The following ZNF347 variants were observed in gnomAD, a reference collection of about 807,000 sequenced individuals.
The protein encoded by ZNF347 is CTD-2620I22.7.
ZNF347 carries 19 observed loss-of-function variants against 12.9 expected under a neutral mutation model. The ratio of observed to expected loss-of-function variants is 1.47; its 90% CI spans 1.03 to 2.16. The LOEUF (loss-of-function observed/expected upper bound fraction) is 2.16. ZNF347 is among the 30% of genes most tolerant of loss of function. The probability of loss-of-function intolerance (pLI) is 0.00; values close to 1 mark genes in which losing one functional copy is unlikely to be tolerated. For synonymous variants in ZNF347, 328 were observed against 340.6 expected (o/e 0.96, Z 0.41); for missense variants, 1,005 against 990.6 (o/e 1.01, Z -0.19).
rs1250342627 is a variant in ZNF347, at chr19:53,135,447, A to G, written c.*4861T>C. The G allele has an allele frequency of 6.6e-6, 1 of 151,310 alleles. No individual in the cohort carries two copies. Among genetic ancestry groups the G allele is most frequent in the Non-Finnish European group, 1.5e-5 (1 of 67,952 alleles). The allele number at this position is 151,310 out of a possible 1,614,324, so 9.4% of individuals were successfully genotyped here. A position where few individuals can be genotyped will look rare whatever the true frequency, so the allele number is the denominator to read the frequency against. On this transcript the variant is annotated 3_prime_UTR_variant, in exon 5 of 5. Coordinates refer to ENST00000334197, the MANE Select transcript of ZNF347 (RefSeq NM_032584.3). ...GAGTGCAATGGTGGGAACTCGGCTA[A>G]CTGCAACATCCGCCTCCCAGGCTCA...
chr19:53,153,374 C>T (rs898325129), intron 2 of ZNF347, among the ~76,000 whole-genome samples: 11 of 152,214 alleles, frequency 7.2e-5, no homozygotes, highest in Non-Finnish European at 1.3e-4. Flanking sequence ...GTGACTTCCA[C>T]GTGCAGCTGC....
At position 53,139,696 on chromosome 19, in the gene ZNF347, A is replaced by T. The variant is rs529408860; in HGVS notation, c.*612T>A. On this transcript the variant is annotated 3_prime_UTR_variant, in exon 5 of 5. Coordinates refer to ENST00000334197, the MANE Select transcript of ZNF347 (RefSeq NM_032584.3). ...TGTATGAATCCTCACCTACAGTTACAGTCTTAGAGTAAGAGCTTCAGGATG... is the reference window on the plus strand; with the variant it reads ...TGTATGAATCCTCACCTACAGTTACTGTCTTAGAGTAAGAGCTTCAGGATG... 1 of 152,238 alleles carries T rather than the reference A, an allele frequency of 6.6e-6. No individual in the cohort carries two copies. Among genetic ancestry groups the T allele is most frequent in the Admixed American group, 6.5e-5 (1 of 15,284 alleles). 9.4% of individuals were successfully genotyped at this position (152,238 alleles called of 1,614,324 possible). A position where few individuals can be genotyped will look rare whatever the true frequency, so the allele number is the denominator to read the frequency against.
chr19:53,142,117 T>C lies in ZNF347; in HGVS notation c.711A>G (p.Lys237=), dbSNP rs2090432940. ...PYNVKTHISK[K]YLKDFISSLL... is the part of the protein sequence containing the mutation. ...AAGAAGAGATAAAATCTTTGAGATATTTCTTAGAAATGTGGGTTTTGACAT... is the reference window on the plus strand; with the variant it reads ...AAGAAGAGATAAAATCTTTGAGATACTTCTTAGAAATGTGGGTTTTGACAT... The change falls in exon 5 of 5, where the codon AAA becomes AAG. Residue 237 remains lysine, a synonymous_variant. Coordinates refer to ENST00000334197, the MANE Select transcript of ZNF347 (RefSeq NM_032584.3). The C allele has an allele frequency of 6.2e-7, 1 of 1,612,894 alleles. No individual in the cohort carries two copies. Among genetic ancestry groups the C allele is most frequent in the Non-Finnish European group, 8.5e-7 (1 of 1,179,758 alleles).
At chr19:53,154,131 G>C (rs1423385031) in intron 1 of ZNF347, among the ~76,000 whole-genome samples, 1 of 152,082 alleles carries the variant, frequency 6.6e-6, no homozygotes, top group African/African-American at 2.4e-5. Flanking sequence ...CAAACCCCAT[G>C]CAGAGAACAG....
chr19:53,149,957 G>A (rs111542214), intron 2 of ZNF347, among the ~76,000 whole-genome samples: 12 of 152,186 alleles, frequency 7.9e-5, no homozygotes, highest in African/African-American at 2.9e-4. Flanking sequence ...CTTACATCTG[G>A]CTGTTCATCT....
In ZNF347 at chr19:53,140,259, G is replaced by A. The variant is rs1341583674; in HGVS notation, c.*49C>T. Reference sequence around the variant, plus strand: ...AATTCTCTGACGTTGTCAAAGGAATGAATTCTAACTGCAAAAGTTACCACC... The same window carrying A: ...AATTCTCTGACGTTGTCAAAGGAATAAATTCTAACTGCAAAAGTTACCACC... On this transcript the variant is annotated 3_prime_UTR_variant, in exon 5 of 5. Transcript: ENST00000334197. 1.4e-6 allele frequency: 2 copies of A among 1,480,894 alleles called. No individual in the cohort carries two copies. The highest frequency in any genetic ancestry group is 1.4e-5 in the African/African-American group (1 of 70,950). The allele number at this position is 1,480,894 out of a possible 1,614,324, so 91.7% of individuals were successfully genotyped here.
Position 53,138,533 on chromosome 19 carries a change from G to C in ZNF347, c.*1775C>G, listed in dbSNP as rs1204699939. 1 of 152,158 alleles carries C rather than the reference G, an allele frequency of 6.6e-6. No homozygotes were observed. The highest frequency in any genetic ancestry group is 1.5e-5 in the Non-Finnish European group (1 of 68,038). 9.4% of individuals were successfully genotyped at this position (152,158 alleles called of 1,614,324 possible). On this transcript the variant is annotated 3_prime_UTR_variant, in exon 5 of 5. Transcript: ENST00000334197. Reference sequence around the variant, plus strand: ...GTATATATTCACCAACACTGTGGCAGCTTTCAGAGTGTAAGAGTATGAAAA... The same window carrying C: ...GTATATATTCACCAACACTGTGGCACCTTTCAGAGTGTAAGAGTATGAAAA...
At position 53,140,745 on chromosome 19, in the gene ZNF347, T is replaced by C; in HGVS notation, c.2083A>G (p.Lys695Glu). 6.2e-7 allele frequency: 1 copy of C among 1,612,296 alleles called. No individual in the cohort carries two copies. Among genetic ancestry groups the C allele is most frequent in the Non-Finnish European group, 8.5e-7 (1 of 1,179,062 alleles). Reference sequence around the variant, plus strand: ...TGAACTCTCTGATGCCTTGCAAGCTTTGATGTTTGACTAAAGGCTTTGCCA... The same window carrying C: ...TGAACTCTCTGATGCCTTGCAAGCTCTGATGTTTGACTAAAGGCTTTGCCA... ...ECGKAFSQTS[K>E]LARHQRVHTG... is the part of the protein sequence containing the mutation. Residue 695 changes from lysine (K) to glutamate (E), a missense_variant, in exon 5 of 5, where the codon AAG becomes GAG. Coordinates refer to ENST00000334197, the MANE Select transcript of ZNF347 (RefSeq NM_032584.3).
At chr19:53,142,824 A>G (rs2090438541) in intron 4 of ZNF347, among the ~76,000 whole-genome samples, 1 of 152,212 alleles carries the variant, frequency 6.6e-6, no homozygotes, top group African/African-American at 2.4e-5. Flanking sequence ...CAGCAAAGCA[A>G]TCGTTCAGTC....
In ZNF347 at chr19:53,140,315, T is replaced by A; in HGVS notation, c.2513A>T (p.Asn838Ile). ...TTGTAAGGTTTCTCTCCACTATGAA[T>A]TCTGTGATGGCTTGCAAGGTTTGAA... ...SEFKPCKPSQ[N>I]S The change falls in exon 5 of 5, where the codon AAT becomes ATT. Residue 838 changes from asparagine to isoleucine, a missense_variant. Asn to Ile is a moderately radical substitution (Grantham distance 149). Transcript: ENST00000334197. 6.5e-7 allele frequency: 1 copy of A among 1,544,000 alleles called. No individual in the cohort carries two copies. Among genetic ancestry groups the A allele is most frequent in the Non-Finnish European group, 8.7e-7 (1 of 1,149,794 alleles).
chr19:53,143,123 G>A (rs553079313), intron 4 of ZNF347, among the ~76,000 whole-genome samples: 20 of 152,244 alleles, frequency 1.3e-4, no homozygotes, highest in South Asian at 1.0e-3. Context: ...GGTGAGAAGG[G>A]AACGAACATG....
At chr19:53,158,526 C>T (rs555697341) in intron 1 of ZNF347, among the ~76,000 whole-genome samples, 17 of 152,216 alleles carry the variant, frequency 1.1e-4, no homozygotes, top group South Asian at 4.2e-4. Context: ...AGCCTCAGAG[C>T]TACTTCAACC....
rs751332514 is a variant in ZNF347 at position 53,142,181 on chromosome 19, T to C, written c.647A>G (p.Asn216Ser). The C allele has an allele frequency of 5.6e-6, 9 of 1,614,062 alleles. No individual in the cohort carries two copies. The highest frequency in any genetic ancestry group is 2.7e-5 in the African/African-American group (2 of 75,044). ...ECNQVEKSFN[N>S]NSSVSPPQQM... ...TTGAGGTGGTGAAACTGAGGAATTA[T>C]TGTTGAAAGACTTCTCAACCTGATT... The change falls in exon 5 of 5, where the codon AAT (asparagine) becomes AGT (serine). Residue 216 changes from asparagine (N) to serine (S), a missense_variant. Asn to Ser is a conservative substitution (Grantham distance 46). Transcript: ENST00000334197.
intron 1 of ZNF347, among the ~76,000 whole-genome samples, chr19:53,156,935 G>A (rs972277733): frequency 2.6e-5 from 4 of 152,146 alleles, no homozygotes; most frequent in South Asian, 2.1e-4. Flanking sequence ...GGAGAAATCC[G>A]CACACATTTT....
chr19:53,153,863 A>G, intron 1 of ZNF347, 70 bp from the exon 2 acceptor site: 1 of 1,140,286 alleles, frequency 8.8e-7, no homozygotes, highest in East Asian at 2.4e-5. Flanking sequence ...ATTGCTCAGA[A>G]TCAACACATC....
chr19:53,156,614 GTAA>G lies in ZNF347; in HGVS notation c.-47+2392_-47+2394del, dbSNP rs1368911902. On this transcript the variant is annotated intron_variant, in intron 1 of 4. Transcript: ENST00000334197. ...TTCTGACTGTTCATCTGTATCTTCT[GTAA>G]TATCCTTCATAACAAATGTGTAAAC... Among the ~76,000 whole-genome samples, 7 of 152,274 alleles carry G rather than the reference GTAA, an allele frequency of 4.6e-5. No homozygotes were observed. In the East Asian group the frequency reaches 1.3e-3, roughly 29 times the overall value.
Position 53,157,321 on chromosome 19 carries a change from C to T in ZNF347, c.-47+1688G>A, listed in dbSNP as rs142830534. Among the ~76,000 whole-genome samples, 378 of 152,286 alleles carry T rather than the reference C, an allele frequency of 2.5e-3. 3 individuals are homozygous for T. Among genetic ancestry groups the T allele is most frequent in the African/African-American group, 8.5e-3 (355 of 41,552 alleles). On this transcript the variant is annotated intron_variant, in intron 1 of 4. Transcript: ENST00000334197. ...CAATGTCATCATCACATCTAATCAA[C>T]GCACCACTCACCTGGACTCAGGGTC...
intron 4 of ZNF347, among the ~76,000 whole-genome samples, chr19:53,146,677 AC>A (rs2090465357): frequency 6.6e-6 from 1 of 152,188 alleles, no homozygotes; most frequent in Non-Finnish European, 1.5e-5. Flanking sequence ...AAAATCAGAG[AC>A]AAAACAGAAA....
At chr19:53,153,878 T>A in intron 1 of ZNF347, 85 bp from the exon 2 acceptor site, 1 of 969,462 alleles carries the variant, frequency 1.0e-6, no homozygotes, top group Non-Finnish European at 1.6e-6. Flanking sequence ...CACATCCCCT[T>A]CCTATGCCAC....
Sources: allele counts gnomAD v4.1 joint callset (sites outside exome capture counted in the v4.1 genomes callset), GRCh38; gene constraint gnomAD v4.1.1; transcripts MANE v1.5; gene names NCBI Gene and HGNC (gene_info 2026-07-23, HGNC 2026-07-21).